Variants in TMEM120B observed in about 807,000 individuals in gnomAD.
The protein encoded by TMEM120B is transmembrane protein 120B.
TMEM120B carries 31 observed loss-of-function variants against 55.5 expected under a neutral mutation model. That is an observed-to-expected ratio of 0.56 (90% confidence interval 0.42 to 0.75). The LOEUF (loss-of-function observed/expected upper bound fraction) is 0.75. TMEM120B is among the 30% of genes least tolerant of loss of function. The probability of loss-of-function intolerance (pLI) is 0.00; values close to 1 mark genes in which losing one functional copy is unlikely to be tolerated. For missense variants in TMEM120B, 399 were observed against 425.5 expected, an observed-to-expected ratio of 0.94 and a Z score of 0.55; for synonymous variants, 203 against 176.3, an observed-to-expected ratio of 1.15 and a Z score of -1.20.
chr12:121,774,621 C>T, intron 9 of TMEM120B, 37 bp from the exon 10 acceptor site: 2 of 1,607,830 alleles, frequency 1.2e-6, no homozygotes, highest in Non-Finnish European at 1.7e-6. Context: ...GCAGCGGACC[C>T]CCTCAGCGGG....
chr12:121,754,132 T>C (rs1263289691), intron 5 of TMEM120B, among the ~76,000 whole-genome samples: 2 of 152,250 alleles, frequency 1.3e-5, no homozygotes, highest in East Asian at 1.9e-4. Context: ...TCTGGCCACT[T>C]GAATGCCCAA....
chr12:121,750,884 C>T (rs565725066), intron 4 of TMEM120B, among the ~76,000 whole-genome samples: 5 of 117,014 alleles, frequency 4.3e-5, no homozygotes, highest in Admixed American at 3.3e-4. Flanking sequence ...CCACACACCA[C>T]ACCCCACATC....
intron 5 of TMEM120B, among the ~76,000 whole-genome samples, chr12:121,755,060 T>C (rs1056546174): frequency 2.4e-4 from 36 of 152,324 alleles, no homozygotes; most frequent in African/African-American, 7.5e-4. Flanking sequence ...TAGCACCGGT[T>C]AGCATCACCG....
At chr12:121,757,520 AT>A (rs560745429) in intron 5 of TMEM120B, among the ~76,000 whole-genome samples, 3,616 of 98,452 alleles carry the variant, frequency 0.037, 148 homozygotes, top group African/African-American at 0.12. Context: ...TATTATTATT[AT>A]TTATTTTTTT....
At chr12:121,727,536 CA>C (rs758470408) in intron 1 of TMEM120B, among the ~76,000 whole-genome samples, 48 of 35,864 alleles carry the variant, frequency 1.3e-3, no homozygotes, top group Middle Eastern at 0.013. Flanking sequence ...GACCCTGTCT[CA>C]AAAAAAAAAA....
intron 5 of TMEM120B, chr12:121,758,770 G>A: frequency 1.0e-6 from 1 of 980,876 alleles, no homozygotes; most frequent in Non-Finnish European, 1.2e-6. Flanking sequence ...CCTGCGCTGT[G>A]GTCACCATGG....
In TMEM120B at chr12:121,743,670, T is replaced by G; in HGVS notation, c.111T>G (p.Ala37=). 1.2e-6 allele frequency: 2 copies of G among 1,613,692 alleles called. No homozygotes were observed. The highest frequency in any genetic ancestry group is 1.7e-6 in the Non-Finnish European group (2 of 1,179,970). The change falls in exon 2 of 12, where the codon GCT becomes GCG. Residue 37 remains alanine (A), a synonymous_variant. Coordinates refer to ENST00000449592, the MANE Select transcript of TMEM120B (RefSeq NM_001080825.2). The part of the protein sequence containing the change: ...RIYKQKLEEL[A]ALQTLCSSSI... ...ACAAGCAGAAGCTGGAGGAGCTGGC[T>G]GCGCTGCAGACGCTGTGTAGCAGTT...
rs187113690 is a variant in TMEM120B, at chr12:121,759,001, C to A, written c.462-2648C>A. ...GGAGTTCTTCAGTTAGTGTTACAGACAATATGGCCCACTGGGATTTTTTTA... is the reference window on the plus strand; with the variant it reads ...GGAGTTCTTCAGTTAGTGTTACAGAAAATATGGCCCACTGGGATTTTTTTA... On this transcript the variant is annotated intron_variant, in intron 5 of 11. Coordinates refer to ENST00000449592, the MANE Select transcript of TMEM120B (RefSeq NM_001080825.2). 1.6e-4 allele frequency: 153 copies of A among 985,384 alleles called. No individual in the cohort carries two copies. In the African/African-American group the frequency reaches 2.5e-3, roughly 16 times the overall value. The allele number at this position is 985,384 out of a possible 1,614,324, so 61.0% of individuals were successfully genotyped here.
chr12:121,773,290 G>T (rs1874120765), intron 8 of TMEM120B, 131 bp from the exon 9 acceptor site: 1 of 716,200 alleles, frequency 1.4e-6, no homozygotes, highest in Non-Finnish European at 2.3e-6. Context: ...CGTGGGAGAG[G>T]GTTGTAACCA....
chr12:121,771,471 T>C lies in TMEM120B; in HGVS notation c.618-17T>C, dbSNP rs1443324795. The C allele has an allele frequency of 3.7e-6, 6 of 1,612,978 alleles. No homozygotes were observed. The South Asian group carries it at 6.6e-5, about 18-fold the overall frequency. On this transcript the variant is annotated splice_polypyrimidine_tract_variant and intron_variant, in intron 7 of 11. Transcript: ENST00000449592. ...CATAGTGGGCCCCACCTTTGTTTTT[T>C]CCTACCTTCTCTCCAGGCCTAATGG...
rs1344171369 is a variant in TMEM120B at position 121,779,878 on chromosome 12, C to T, written c.*4156C>T. ...CAGGTTGGAAGAAGCCCTGTCCAGG[C>T]CCCCACCCTGGCCTCTCTCCAGCTC... On this transcript the variant is annotated 3_prime_UTR_variant, in exon 12 of 12. Transcript: ENST00000449592. 1 of 562,238 alleles carries T rather than the reference C, an allele frequency of 1.8e-6. No individual in the cohort carries two copies. The allele number at this position is 562,238 out of a possible 1,614,324, so 34.8% of individuals were successfully genotyped here. A position where few individuals can be genotyped will look rare whatever the true frequency, so the allele number is the denominator to read the frequency against.
chr12:121,740,949 T>C (rs1004713142), intron 1 of TMEM120B, among the ~76,000 whole-genome samples: 2 of 152,192 alleles, frequency 1.3e-5, no homozygotes, highest in African/African-American at 4.8e-5. Context: ...CTACTTGTTT[T>C]GCTGTTAGAG....
chr12:121,749,099 G>A (rs1316977638), intron 3 of TMEM120B, among the ~76,000 whole-genome samples: 1 of 152,022 alleles, frequency 6.6e-6, no homozygotes, highest in Non-Finnish European at 1.5e-5. Context: ...GCCTCGCGCT[G>A]AGTCAGAGCC....
At chr12:121,723,212 G>C (rs968507708) in intron 1 of TMEM120B, among the ~76,000 whole-genome samples, 2 of 152,070 alleles carry the variant, frequency 1.3e-5, no homozygotes, top group Non-Finnish European at 2.9e-5. Context: ...CCATCGTTCA[G>C]GCTGAAGTGC....
intron 9 of TMEM120B, among the ~76,000 whole-genome samples, chr12:121,774,217 A>G (rs1413275326): frequency 6.6e-6 from 1 of 152,058 alleles, no homozygotes; most frequent in Admixed American, 6.5e-5. Flanking sequence ...TGGCCTCCCA[A>G]CGTGCTGGGA....
chr12:121,763,693 T>C (rs946262363), intron 6 of TMEM120B, among the ~76,000 whole-genome samples: 6 of 152,178 alleles, frequency 3.9e-5, no homozygotes, highest in African/African-American at 1.4e-4. Flanking sequence ...TCTGCCCTCC[T>C]TGGCCTCCCA....
Position 121,712,769 on chromosome 12 carries a change from T to C in TMEM120B, c.-127T>C. ...GTGACGTCAGTTGCGCGCGTGGCTC[T>C]GGCTGCGCAGGAACAGCTGGTGCCT... On this transcript the variant is annotated 5_prime_UTR_variant, in exon 1 of 12. Coordinates refer to ENST00000449592, the MANE Select transcript of TMEM120B (RefSeq NM_001080825.2). The C allele has an allele frequency of 7.1e-6, 4 of 566,774 alleles. No individual in the cohort carries two copies. Among genetic ancestry groups the C allele is most frequent in the Non-Finnish European group, 1.0e-5 (4 of 390,140 alleles). 35.1% of individuals were successfully genotyped at this position (566,774 alleles called of 1,614,324 possible).
At chr12:121,763,409 A>G (rs1183601270) in intron 6 of TMEM120B, among the ~76,000 whole-genome samples, 1 of 151,274 alleles carries the variant, frequency 6.6e-6, no homozygotes, top group South Asian at 2.1e-4. Flanking sequence ...TGATCCGCCC[A>G]CCTCAGCCTC....
chr12:121,778,467 A>AAT lies in TMEM120B; in HGVS notation c.*2746_*2747insTA, dbSNP rs1241853187. 10 of 152,666 alleles carry AAT rather than the reference A, an allele frequency of 6.6e-5. No individual in the cohort carries two copies. The highest frequency in any genetic ancestry group is 2.2e-4 in the African/African-American group (9 of 41,210). The allele number at this position is 152,666 out of a possible 1,614,324, so 9.5% of individuals were successfully genotyped here. ...CTCTGTCCCAAAAAAAAAAAAAAAA[A>AAT]AAAATTCCCAGACCCTCGGCCCCAG... On this transcript the variant is annotated 3_prime_UTR_variant, in exon 12 of 12. Coordinates refer to ENST00000449592, the MANE Select transcript of TMEM120B (RefSeq NM_001080825.2).
Sources: allele counts gnomAD v4.1 joint callset (sites outside exome capture counted in the v4.1 genomes callset), GRCh38; gene constraint gnomAD v4.1.1; transcripts MANE v1.5; gene names NCBI Gene and HGNC (gene_info 2026-07-23, HGNC 2026-07-21).